B3GALT1: variants seen among roughly 807,000 people sequenced by gnomAD.
B3GALT1 encodes the protein beta-1,3-galactosyltransferase 1.
In B3GALT1, 10 loss-of-function variants were observed where a neutral mutation model predicts 23.2. The ratio of observed to expected loss-of-function variants is 0.43; its 90% CI spans 0.27 to 0.73. The LOEUF is 0.73. Among genes scored for constraint, B3GALT1 ranks in the 30% least tolerant of loss-of-function variants. The pLI is 0.21. For synonymous variants in B3GALT1, 156 were observed against 141.5 expected, an observed-to-expected ratio of 1.10 and a Z score of -0.73; for missense variants, 299 against 405.4, an observed-to-expected ratio of 0.74 and a Z score of 2.25.
At chr2:167,316,300 A>G (rs1187681315) in intron 1 of B3GALT1, among the ~76,000 whole-genome samples, 2 of 152,084 alleles carry the variant, frequency 1.3e-5, no homozygotes, top group Non-Finnish European at 2.9e-5. Context: ...ACTCACAAAA[A>G]CCTTTACTAT....
intron 1 of B3GALT1, among the ~76,000 whole-genome samples, chr2:167,342,190 T>A (rs1417128526): frequency 6.6e-6 from 1 of 151,960 alleles, no homozygotes; most frequent in Non-Finnish European, 1.5e-5. Context: ...GTGAGTAACA[T>A]GAAGAAAATA....
intron 1 of B3GALT1, among the ~76,000 whole-genome samples, chr2:167,389,365 G>C (rs934735828): frequency 2.9e-4 from 44 of 152,162 alleles, no homozygotes; most frequent in Non-Finnish European, 1.5e-5. Context: ...ACCACTAATT[G>C]GGCCCAGGTG....
chr2:167,526,191 A>C (rs1245943651), intron 2 of B3GALT1, among the ~76,000 whole-genome samples: 1 of 152,056 alleles, frequency 6.6e-6, no homozygotes, highest in Non-Finnish European at 1.5e-5. Flanking sequence ...TAGGTAACAC[A>C]CACACACACA....
intron 1 of B3GALT1, among the ~76,000 whole-genome samples, chr2:167,331,667 T>C (rs908056148): frequency 2.0e-5 from 3 of 151,928 alleles, no homozygotes; most frequent in Admixed American, 6.6e-5. Flanking sequence ...TGCTGTAGTA[T>C]TGGATTGGGG....
chr2:167,515,288 C>G (rs1473402778), intron 2 of B3GALT1, among the ~76,000 whole-genome samples: 1 of 152,148 alleles, frequency 6.6e-6, no homozygotes. Flanking sequence ...AACTGATGCA[C>G]ATATCTACTT....
At chr2:167,309,773 A>C (rs990968981) in intron 1 of B3GALT1, among the ~76,000 whole-genome samples, 2 of 152,126 alleles carry the variant, frequency 1.3e-5, no homozygotes, top group Non-Finnish European at 2.9e-5. Context: ...TGGTACTTTC[A>C]TTTTGACTTT....
rs143140028 is a variant in B3GALT1 at position 167,844,765 on chromosome 2, G to A, written c.-229-24046G>A. Among the ~76,000 whole-genome samples the A allele has an allele frequency of 7.1e-3, 1,082 of 152,284 alleles. 10 individuals carry two copies. The highest frequency in any genetic ancestry group is 0.025 in the African/African-American group (1,042 of 41,560). On this transcript the variant is annotated intron_variant, in intron 4 of 4. Transcript: ENST00000392690. Reference sequence around the variant, plus strand: ...CCTCCTGGCCAGAACTCAGGGGAGGGCGCAAATCCAGTGTGCAGACTCCAC... The same window carrying A: ...CCTCCTGGCCAGAACTCAGGGGAGGACGCAAATCCAGTGTGCAGACTCCAC...
At chr2:167,479,445 G>A (rs1699531931) in intron 1 of B3GALT1, among the ~76,000 whole-genome samples, 1 of 152,128 alleles carries the variant, frequency 6.6e-6, no homozygotes, top group African/African-American at 2.4e-5. Flanking sequence ...ATTTAAGAGT[G>A]AACTGATATA....
intron 2 of B3GALT1, among the ~76,000 whole-genome samples, chr2:167,626,184 A>G (rs1002668999): frequency 2.0e-5 from 3 of 151,338 alleles, no homozygotes; most frequent in Non-Finnish European, 4.4e-5. Flanking sequence ...TTTGGTGTTA[A>G]AGTGACAGTG....
intron 3 of B3GALT1, among the ~76,000 whole-genome samples, chr2:167,766,792 G>C (rs1263224235): frequency 6.6e-6 from 1 of 152,086 alleles, no homozygotes; most frequent in Non-Finnish European, 1.5e-5. Context: ...ATAAAGCTTT[G>C]GCTAACTTTC....
At chr2:167,546,436 G>A (rs1378345243) in intron 2 of B3GALT1, among the ~76,000 whole-genome samples, 1 of 152,094 alleles carries the variant, frequency 6.6e-6, no homozygotes, top group African/African-American at 2.4e-5. Context: ...AACTGATAAG[G>A]TATGTCCTAA....
intron 3 of B3GALT1, among the ~76,000 whole-genome samples, chr2:167,775,092 G>A (rs1022143088): frequency 6.6e-6 from 1 of 152,060 alleles, no homozygotes; most frequent in Non-Finnish European, 1.5e-5. Context: ...CTGATTTCTA[G>A]AACTCTATAA....
At chr2:167,524,988 A>G (rs533483148) in intron 2 of B3GALT1, among the ~76,000 whole-genome samples, 24 of 152,364 alleles carry the variant, frequency 1.6e-4, no homozygotes, top group African/African-American at 5.8e-4. Flanking sequence ...TGCCTACATC[A>G]TCAAAAATGT....
intron 1 of B3GALT1, among the ~76,000 whole-genome samples, chr2:167,446,773 C>T (rs1699002554): frequency 1.3e-5 from 2 of 152,244 alleles, no homozygotes; most frequent in South Asian, 4.1e-4. Flanking sequence ...CTAATCTCTT[C>T]TCACAGTTTT....
At chr2:167,348,523 A>T (rs1412484625) in intron 1 of B3GALT1, among the ~76,000 whole-genome samples, 1 of 152,182 alleles carries the variant, frequency 6.6e-6, no homozygotes, top group East Asian at 1.9e-4. Flanking sequence ...ATGCTTAACC[A>T]TATTAAATGA....
At chr2:167,546,952 A>T (rs1482252412) in intron 2 of B3GALT1, among the ~76,000 whole-genome samples, 14 of 152,272 alleles carry the variant, frequency 9.2e-5, no homozygotes, top group East Asian at 1.9e-4. Context: ...CCCTTGACCC[A>T]CTATGCCCCT....
At chr2:167,453,152 G>T (rs959951506) in intron 1 of B3GALT1, among the ~76,000 whole-genome samples, 1 of 152,108 alleles carries the variant, frequency 6.6e-6, no homozygotes, top group African/African-American at 2.4e-5. Flanking sequence ...ACAAGAGAAG[G>T]AGTCAGATAA....
chr2:167,805,099 G>T (rs1326019409), intron 3 of B3GALT1, among the ~76,000 whole-genome samples: 1 of 152,130 alleles, frequency 6.6e-6, no homozygotes, highest in African/African-American at 2.4e-5. Context: ...ATTTTTTCAT[G>T]TGTCTTTTGG....
At chr2:167,443,355 C>T (rs192762319) in intron 1 of B3GALT1, among the ~76,000 whole-genome samples, 2,639 of 152,184 alleles carry the variant, frequency 0.017, 82 homozygotes, top group African/African-American at 0.061. Context: ...CTTGGCAATG[C>T]GGACTCTTTT....
Sources: allele counts gnomAD v4.1 joint callset (sites outside exome capture counted in the v4.1 genomes callset), GRCh38; gene constraint gnomAD v4.1.1; transcripts MANE v1.5; gene names NCBI Gene and HGNC (gene_info 2026-07-23, HGNC 2026-07-21).